P2RY2: variants seen among roughly 807,000 people sequenced by gnomAD.
P2RY2 encodes P2Y purinoceptor 2.
For synonymous variants in P2RY2, 241 were observed against 231.9 expected, an observed-to-expected ratio of 1.04 and a Z score of -0.35; for missense variants, 567 against 515.7, an observed-to-expected ratio of 1.10 and a Z score of -0.96.
rs1242112493 is a variant in P2RY2 at position 73,235,464 on chromosome 11, A to C, written c.*171A>C. 1 of 1,371,376 alleles carries C rather than the reference A, an allele frequency of 7.3e-7. No homozygotes were observed. The highest frequency in any genetic ancestry group is 9.4e-7 in the Non-Finnish European group (1 of 1,060,286). 85.0% of individuals were successfully genotyped at this position (1,371,376 alleles called of 1,614,324 possible). On this transcript the variant is annotated 3_prime_UTR_variant, in exon 3 of 3. Coordinates refer to ENST00000393597, the MANE Select transcript of P2RY2 (RefSeq NM_002564.4). Reference sequence around the variant, plus strand: ...GATATTCACTCTGTGGTCCAGAGTCAACTGTTCCCATAACCCCTAGTCATC... The same window carrying C: ...GATATTCACTCTGTGGTCCAGAGTCCACTGTTCCCATAACCCCTAGTCATC...
intron 1 of P2RY2, among the ~76,000 whole-genome samples, chr11:73,222,738 GA>G (rs1229163230): frequency 2.6e-5 from 4 of 152,108 alleles, no homozygotes; most frequent in African/African-American, 9.7e-5. Flanking sequence ...TTCCAGCTCA[GA>G]TGACCCCTCC....
In P2RY2 at chr11:73,236,094, G is replaced by T. The variant is rs767216741; in HGVS notation, c.*801G>T. 3.1e-5 allele frequency: 31 copies of T among 998,626 alleles called. No individual in the cohort carries two copies. The highest frequency in any genetic ancestry group is 3.4e-5 in the Non-Finnish European group (28 of 828,544). 61.9% of individuals were successfully genotyped at this position (998,626 alleles called of 1,614,324 possible). ...TCAGGGATCCTCTCTCCAGGCCCCA[G>T]GTCATCCCCCACTGTAAAGCCAGTT... On this transcript the variant is annotated 3_prime_UTR_variant, in exon 3 of 3. Transcript: ENST00000393597.
At position 73,236,674 on chromosome 11, in the gene P2RY2, C is replaced by T. The variant is rs957380802; in HGVS notation, c.*1381C>T. ...AGTTAGGGCTCCCTCCTTGCCCTGA[C>T]CCTGAGGCTTCCTTTGCACTGGGGG... is the stretch of plus-strand genomic sequence containing the variant. On this transcript the variant is annotated 3_prime_UTR_variant, in exon 3 of 3. Transcript: ENST00000393597. 69 of 985,386 alleles carry T rather than the reference C, an allele frequency of 7.0e-5. No homozygotes were observed. The highest frequency in any genetic ancestry group is 8.0e-5 in the Non-Finnish European group (66 of 829,918). The allele number at this position is 985,386 out of a possible 1,614,324, so 61.0% of individuals were successfully genotyped here. A position where few individuals can be genotyped will look rare whatever the true frequency, so the allele number is the denominator to read the frequency against.
At chr11:73,222,003 T>C (rs960673052) in intron 1 of P2RY2, among the ~76,000 whole-genome samples, 1 of 152,162 alleles carries the variant, frequency 6.6e-6, no homozygotes, top group African/African-American at 2.4e-5. Flanking sequence ...CCCCATCTCC[T>C]AGGCCTGAGT....
chr11:73,230,011 T>C (rs554428489), intron 2 of P2RY2, among the ~76,000 whole-genome samples: 172 of 152,150 alleles, frequency 1.1e-3, no homozygotes, highest in South Asian at 0.01. Flanking sequence ...TGATGTCACC[T>C]GGCGTTTTGT....
rs1355982197 is a variant in P2RY2 at position 73,238,512 on chromosome 11, CCT to C, written c.*3224_*3225del. On this transcript the variant is annotated 3_prime_UTR_variant, in exon 3 of 3. Transcript: ENST00000393597. ...GCTCCAGGTCAAGTCACCAAAGCTA[CCT>C]CTCTGTCACCCTTGTCATGGCAGAT... Among the ~76,000 whole-genome samples the C allele has an allele frequency of 2.0e-5, 3 of 152,222 alleles. No individual in the cohort carries two copies. The highest frequency in any genetic ancestry group is 4.8e-5 in the African/African-American group (2 of 41,454).
intron 1 of P2RY2, among the ~76,000 whole-genome samples, chr11:73,223,386 A>G (rs77054868): frequency 8.1e-4 from 7 of 8,658 alleles, no homozygotes; most frequent in Non-Finnish European, 2.9e-3. Flanking sequence ...TCTGCTGGGG[A>G]ACACCTGGGA....
chr11:73,229,483 G>T (rs1862385429), intron 2 of P2RY2, among the ~76,000 whole-genome samples: 1 of 152,128 alleles, frequency 6.6e-6, no homozygotes. Context: ...GAGGGGGCTG[G>T]GGACTTGGCT....
Position 73,234,839 on chromosome 11 carries a change from AG to A in P2RY2, c.681del (p.Lys227AsnfsTer123), listed in dbSNP as rs768575254. Reference sequence around the variant, plus strand: ...GTGCTCATGGCTCGGCGACTGCTAAAGCCAGCCTACGGGACCTCGGGCGGCC... The same window carrying A: ...GTGCTCATGGCTCGGCGACTGCTAAACCAGCCTACGGGACCTCGGGCGGCC... Reference protein sequence around the residue: ...CYVLMARRLLKPAYGTSGGLP... With the variant: ...CYVLMARRLLXPAYGTSGGLP... On this transcript the variant is annotated frameshift_variant, in exon 3 of 3. Transcript: ENST00000393597. LOFTEE classifies it low-confidence loss of function (END_TRUNC). 3.2e-5 allele frequency: 51 copies of A among 1,610,950 alleles called. No individual in the cohort carries two copies. The Middle Eastern group carries it at 4.9e-4, about 16-fold the overall frequency.
At position 73,235,216 on chromosome 11, in the gene P2RY2, T is replaced by C; in HGVS notation, c.1057T>C (p.Leu353=). The change falls in exon 3 of 3, where the codon TTG becomes CTG. Residue 353 remains leucine (L), a synonymous_variant. Transcript: ENST00000393597. ...TGACATGCAGAGGATAGAAGATGTGTTGGGCAGCAGTGAGGACTCTAGGCG... is the reference window on the plus strand; with the variant it reads ...TGACATGCAGAGGATAGAAGATGTGCTGGGCAGCAGTGAGGACTCTAGGCG... ...RTDMQRIEDV[L]GSSEDSRRTE... 5.0e-6 allele frequency: 8 copies of C among 1,611,510 alleles called. No homozygotes were observed. The highest frequency in any genetic ancestry group is 5.9e-6 in the Non-Finnish European group (7 of 1,178,912).
In P2RY2 at chr11:73,221,945, G is replaced by A. The variant is rs565028517; in HGVS notation, c.-200+3513G>A. ...AGTAGAAGGGGAGGCTTTGCTCCAC[G>A]GAGTGCCATAGTTGGTTCTGGAGCA... On this transcript the variant is annotated intron_variant, in intron 1 of 2. Coordinates refer to ENST00000393597, the MANE Select transcript of P2RY2 (RefSeq NM_002564.4). Among the ~76,000 whole-genome samples, 14 of 152,282 alleles carry A rather than the reference G, an allele frequency of 9.2e-5. No individual in the cohort carries two copies. The South Asian group carries it at 1.0e-3, about 11-fold the overall frequency.
rs747651586 is a variant in P2RY2, at chr11:73,235,103, G to A, written c.944G>A (p.Arg315His). The A allele has an allele frequency of 2.0e-5, 32 of 1,606,408 alleles. 1 individual carries two copies. Among genetic ancestry groups the A allele is most frequent in the South Asian group, 1.8e-4 (16 of 90,936 alleles). The change falls in exon 3 of 3, where the codon CGC becomes CAC. Residue 315 changes from arginine to histidine, a missense_variant. Physicochemically the swap from Arg to His is conservative, Grantham distance 29 (BLOSUM62 0). Coordinates refer to ENST00000393597, the MANE Select transcript of P2RY2 (RefSeq NM_002564.4). ...TTCCTGGCTGGGCAGAGGCTCGTAC[G>A]CTTTGCCCGAGATGCCAAGCCACCC... is the stretch of plus-strand genomic sequence containing the variant. ...LYFLAGQRLV[R>H]FARDAKPPTG... is the part of the protein sequence containing the mutation.
chr11:73,219,058 GA>G (rs1217674449), intron 1 of P2RY2, among the ~76,000 whole-genome samples: 3 of 152,180 alleles, frequency 2.0e-5, no homozygotes, highest in Non-Finnish European at 4.4e-5. Context: ...CCCCCAACCC[GA>G]AGGCTGCCAG....
At position 73,234,885 on chromosome 11, in the gene P2RY2, G is replaced by A. The variant is rs764056857; in HGVS notation, c.726G>A (p.Lys242=). ...GCGGCCTGCCTAGGGCCAAGCGCAA[G>A]TCCGTGCGCACCATCGCCGTGGTGC... ...TSGGLPRAKR[K]SVRTIAVVLA... Residue 242 remains lysine, a synonymous_variant, in exon 3 of 3, where the codon AAG becomes AAA. Coordinates refer to ENST00000393597, the MANE Select transcript of P2RY2 (RefSeq NM_002564.4). 8.8e-5 allele frequency: 142 copies of A among 1,610,764 alleles called. 3 individuals are homozygous for A. The East Asian group carries it at 3.1e-3, about 36-fold the overall frequency.
intron 1 of P2RY2, among the ~76,000 whole-genome samples, chr11:73,222,814 C>A (rs1862159122): frequency 6.6e-6 from 1 of 152,190 alleles, no homozygotes; most frequent in Admixed American, 6.5e-5. Flanking sequence ...GCTCCATAAC[C>A]CCTGGGCTTG....
In P2RY2 at chr11:73,241,335, T is replaced by A. The variant is rs1862769178; in HGVS notation, c.*6042T>A. The A allele has an allele frequency of 6.6e-6, 1 of 152,438 alleles. No individual in the cohort carries two copies. Among genetic ancestry groups the A allele is most frequent in the Admixed American group, 6.5e-5 (1 of 15,288 alleles). The allele number at this position is 152,438 out of a possible 1,614,324, so 9.4% of individuals were successfully genotyped here. ...AGGGTGGGGGCCACAGGGCAGCTGATGCAGGAGCAGGGCTCTGGCACAGTT... is the reference window on the plus strand; with the variant it reads ...AGGGTGGGGGCCACAGGGCAGCTGAAGCAGGAGCAGGGCTCTGGCACAGTT... On this transcript the variant is annotated 3_prime_UTR_variant, in exon 3 of 3. Coordinates refer to ENST00000393597, the MANE Select transcript of P2RY2 (RefSeq NM_002564.4).
chr11:73,235,148 C>G lies in P2RY2; in HGVS notation c.989C>G (p.Thr330Ser), dbSNP rs1262958369. The change falls in exon 3 of 3, where the codon ACC becomes AGC. Residue 330 changes from threonine to serine, a missense_variant. Transcript: ENST00000393597. ...CCACCCACTGGCCCCAGCCCTGCCA[C>G]CCCGGCTCGCCGCAGGCTGGGCCTG... ...AKPPTGPSPATPARRRLGLRR... is the reference protein window; with the variant it reads ...AKPPTGPSPASPARRRLGLRR... The G allele has an allele frequency of 5.0e-6, 8 of 1,607,470 alleles. No individual in the cohort carries two copies. In the Admixed American group the frequency reaches 1.3e-4, roughly 27 times the overall value.
intron 2 of P2RY2, among the ~76,000 whole-genome samples, chr11:73,233,864 C>G: frequency 6.6e-6 from 1 of 152,224 alleles, no homozygotes; most frequent in East Asian, 1.9e-4. Context: ...AACTACTCAA[C>G]TCTTTGTAAA....
rs1311854497 is a variant in P2RY2, at chr11:73,228,192, TGG to T, written c.-5+23_-5+24del. ...GCTGGTCAGGTACGTGGGGTGGGGG[TGG>T]GGGGGAGCGGGTACGCTGGCCGGGA... On this transcript the variant is annotated intron_variant, in intron 2 of 2. Transcript: ENST00000393597. 1.5e-4 allele frequency: 11 copies of T among 71,972 alleles called. No individual in the cohort carries two copies. Among genetic ancestry groups the T allele is most frequent in the Admixed American group, 4.0e-4 (3 of 7,434 alleles). The allele number at this position is 71,972 out of a possible 1,614,324, so 4.5% of individuals were successfully genotyped here.
Sources: gnomAD v4.1 joint callset for allele counts (sites outside exome capture counted in the v4.1 genomes callset) on GRCh38, gnomAD v4.1.1 for gene constraint, MANE v1.5 for transcripts, NCBI Gene and HGNC (gene_info 2026-07-23, HGNC 2026-07-21) for gene names.